RBFOX1: variants seen among roughly 807,000 people sequenced by gnomAD.
RBFOX1 encodes the protein RNA binding protein fox-1 homolog 1.
In RBFOX1, 8 loss-of-function variants were observed where a neutral mutation model predicts 57.7. The ratio of observed to expected loss-of-function variants is 0.14; its 90% CI spans 0.08 to 0.25. RBFOX1 has a LOEUF of 0.25. Among genes scored for constraint, RBFOX1 ranks in the 10% least tolerant of loss-of-function variants. RBFOX1 has a pLI of 1.00. For missense variants in RBFOX1, 611 were observed against 548.5 expected (o/e 1.11, Z -1.14); for synonymous variants, 326 against 222.4 (o/e 1.47, Z -4.15).
chr16:6,116,036 A>G (rs8063087), intron 1 of RBFOX1, among the ~76,000 whole-genome samples: 54,348 of 152,060 alleles, frequency 0.36, 10,626 homozygotes, highest in Non-Finnish European at 0.45. Flanking sequence ...CCCATCAGTG[A>G]TAGACTTGAT....
At chr16:6,679,429 T>C (rs1486729782) in intron 3 of RBFOX1, among the ~76,000 whole-genome samples, 1 of 152,092 alleles carries the variant, frequency 6.6e-6, no homozygotes. Context: ...CAGACATCAT[T>C]GCAGTGCCTC....
chr16:6,459,548 T>G (rs2094859300), intron 2 of RBFOX1, among the ~76,000 whole-genome samples: 1 of 152,186 alleles, frequency 6.6e-6, no homozygotes, highest in Non-Finnish European at 1.5e-5. Context: ...ATATCTCATC[T>G]CAAAGATTTT....
intron 3 of RBFOX1, among the ~76,000 whole-genome samples, chr16:6,859,128 TAC>T (rs200784722): frequency 0.016 from 1,228 of 76,646 alleles, 30 homozygotes; most frequent in African/African-American, 0.033. Flanking sequence ...TATATATATA[TAC>T]ATATATATAC....
rs118044886 is a variant in RBFOX1 at position 5,802,920 on chromosome 16, C to T, written c.319-64383C>T. ...CTCACTGACATTTACTGAGCATTTA[C>T]TCCATTTCAGGCAATATGCTTGTCT... On this transcript the variant is annotated intron_variant, in intron 3 of 19. Coordinates refer to the RBFOX1 transcript ENST00000641259. Among the ~76,000 whole-genome samples, 239 of 152,330 alleles carry T rather than the reference C, an allele frequency of 1.6e-3. 3 individuals are homozygous for T. In the East Asian group the frequency reaches 0.028, roughly 18 times the overall value.
At chr16:6,064,173 G>T (rs556171636) in intron 1 of RBFOX1, among the ~76,000 whole-genome samples, 53 of 152,204 alleles carry the variant, frequency 3.5e-4, no homozygotes, top group Admixed American at 2.2e-3. Flanking sequence ...GGATATTATA[G>T]AGCCTATTCT....
At chr16:5,831,075 G>C (rs146836420) in intron 3 of RBFOX1, among the ~76,000 whole-genome samples, 2 of 152,254 alleles carry the variant, frequency 1.3e-5, no homozygotes, top group East Asian at 3.9e-4. Flanking sequence ...ACAGGGATAC[G>C]AGCATCTTTA....
intron 2 of RBFOX1, among the ~76,000 whole-genome samples, chr16:6,556,821 G>T (rs1312430813): frequency 6.6e-6 from 1 of 151,882 alleles, no homozygotes; most frequent in Non-Finnish European, 1.5e-5. Context: ...CAGGTGTTAT[G>T]TTTTGACCCT....
intron 3 of RBFOX1, among the ~76,000 whole-genome samples, chr16:5,843,325 G>T (rs1052709140): frequency 1.2e-4 from 19 of 152,166 alleles, no homozygotes; most frequent in African/African-American, 4.6e-4. Context: ...AGTGTGTGCT[G>T]TTCCCTTCTG....
chr16:5,892,602 A>C (rs1328302504), intron 4 of RBFOX1, among the ~76,000 whole-genome samples: 1 of 152,174 alleles, frequency 6.6e-6, no homozygotes, highest in Non-Finnish European at 1.5e-5. Context: ...TTTTTTTGTG[A>C]AACAGTGAAT....
In RBFOX1 at chr16:5,654,841, G is replaced by A. The variant is rs138782654; in HGVS notation, c.318+55880G>A. The stretch of plus-strand genomic sequence containing the variant: ...TCTCTCCCCACTCTCTCCTTCCCTC[G>A]TGGCTTCCATTGTATTCCCCCCTTT... On this transcript the variant is annotated intron_variant, in intron 3 of 19. Transcript: ENST00000641259. Among the ~76,000 whole-genome samples, 408 of 150,094 alleles carry A rather than the reference G, an allele frequency of 2.7e-3. 1 individual carries two copies. Among genetic ancestry groups the A allele is most frequent in the Non-Finnish European group, 4.1e-3 (278 of 67,498 alleles).
intron 14 of RBFOX1, among the ~76,000 whole-genome samples, chr16:7,677,314 A>G (rs539984148): frequency 6.6e-6 from 1 of 152,106 alleles, no homozygotes. Context: ...CCTCCATTGC[A>G]TTATTACAAT....
chr16:5,794,514 G>A (rs2054810848), intron 3 of RBFOX1, among the ~76,000 whole-genome samples: 1 of 150,430 alleles, frequency 6.6e-6, no homozygotes, highest in Non-Finnish European at 1.5e-5. Flanking sequence ...CAGCGTGCGT[G>A]TGTGTGTGTG....
chr16:7,381,025 G>C (rs1388201138), intron 4 of RBFOX1, among the ~76,000 whole-genome samples: 1 of 152,182 alleles, frequency 6.6e-6, no homozygotes, highest in Non-Finnish European at 1.5e-5. Context: ...CACTTTCTTG[G>C]TATTTTGTCT....
At chr16:6,273,874 AG>A (rs1173722565) in intron 1 of RBFOX1, among the ~76,000 whole-genome samples, 1 of 152,168 alleles carries the variant, frequency 6.6e-6, no homozygotes, top group African/African-American at 2.4e-5. Flanking sequence ...AAAATCAAGC[AG>A]TGAGCAAAGG....
chr16:6,213,797 C>G (rs1478455007), intron 1 of RBFOX1, among the ~76,000 whole-genome samples: 1 of 152,214 alleles, frequency 6.6e-6, no homozygotes, highest in Non-Finnish European at 1.5e-5. Flanking sequence ...GTCTCTCACT[C>G]TAAGCCAGGG....
At chr16:6,245,960 CA>C (rs1355440376) in intron 1 of RBFOX1, among the ~76,000 whole-genome samples, 1 of 152,148 alleles carries the variant, frequency 6.6e-6, no homozygotes, top group African/African-American at 2.4e-5. Context: ...TCAAAATATG[CA>C]GTTTACTTTT....
At chr16:6,500,876 G>GTTTTTTTTTTGTTTGTTTGTT (rs1567459179) in intron 2 of RBFOX1, among the ~76,000 whole-genome samples, 1 of 30,134 alleles carries the variant, frequency 3.3e-5, no homozygotes, top group African/African-American at 6.6e-5. Context: ...TTGGGGAGTA[G>GTTTTTTTTTTGTTTGTTTGTT]TTTTTTTTTT....
intron 2 of RBFOX1, among the ~76,000 whole-genome samples, chr16:6,472,591 CT>C (rs1434720726): frequency 6.6e-6 from 1 of 151,844 alleles, no homozygotes; most frequent in Non-Finnish European, 1.5e-5. Flanking sequence ...TTCTCTTATT[CT>C]CCAAACTCTG....
At chr16:6,198,705 G>A (rs1156890882) in intron 1 of RBFOX1, among the ~76,000 whole-genome samples, 1 of 152,172 alleles carries the variant, frequency 6.6e-6, no homozygotes, top group East Asian at 1.9e-4. Context: ...GTTAGAAGTG[G>A]GTTGAATTAT....
Sources: gnomAD v4.1 joint callset for allele counts (sites outside exome capture counted in the v4.1 genomes callset) on GRCh38, gnomAD v4.1.1 for gene constraint, MANE v1.5 for transcripts, NCBI Gene and HGNC (gene_info 2026-07-23, HGNC 2026-07-21) for gene names.